Variants in FAF1 observed in about 807,000 individuals in gnomAD.
FAF1 encodes Fas associated factor 1.
A neutral mutation model predicts 92.5 loss-of-function variants in FAF1; 25 were observed. The observed-to-expected ratio is 0.27, with a 90% CI of 0.20 to 0.38. The LOEUF is 0.38. Ranked by LOEUF, FAF1 falls within the 10% of genes least tolerant of loss-of-function variation. The pLI, the probability that FAF1 is intolerant of heterozygous loss-of-function variation, is 1.00. For synonymous variants in FAF1, 234 were observed against 273.2 expected (o/e 0.86, Z 1.42); for missense variants, 636 against 793.3 (o/e 0.80, Z 2.38).
At chr1:50,602,911 ATTACACAAAGTGCT>A (rs1652213009) in intron 8 of FAF1, among the ~76,000 whole-genome samples, 1 of 152,168 alleles carries the variant, frequency 6.6e-6, no homozygotes, top group Non-Finnish European at 1.5e-5. Context: ...ATGTATTGTT[ATTACACAAAGTGCT>A]TTACACGCAC....
At chr1:50,565,280 T>C (rs1222446593) in intron 13 of FAF1, among the ~76,000 whole-genome samples, 1 of 152,070 alleles carries the variant, frequency 6.6e-6, no homozygotes, top group African/African-American at 2.4e-5. Flanking sequence ...GTTTATTAAA[T>C]TGAATTCCTA....
intron 7 of FAF1, among the ~76,000 whole-genome samples, chr1:50,676,380 C>G (rs1656119974): frequency 6.7e-6 from 1 of 150,204 alleles, no homozygotes; most frequent in African/African-American, 2.5e-5. Flanking sequence ...GCACTCCAGC[C>G]TGGGCAACAA....
chr1:50,713,188 G>T (rs1658015933), intron 6 of FAF1, among the ~76,000 whole-genome samples: 1 of 146,308 alleles, frequency 6.8e-6, no homozygotes. Flanking sequence ...AGTTCACGCT[G>T]CTTCAACTTT....
rs1217728720 is a variant in FAF1, at chr1:50,461,984, T to A, written c.1869+13480A>T. On this transcript the variant is annotated intron_variant, in intron 18 of 18. Transcript: ENST00000396153. ...GCTATACTATTAGATTCTTACCCTG[T>A]GTTAATTTTATATATATTATATACA... 4.0e-5 allele frequency among the ~76,000 whole-genome samples: 6 copies of A among 148,262 alleles called. No individual in the cohort carries two copies. In the East Asian group the frequency reaches 5.8e-4, roughly 14 times the overall value.
At chr1:50,797,438 T>C (rs574053604) in intron 3 of FAF1, among the ~76,000 whole-genome samples, 3 of 152,166 alleles carry the variant, frequency 2.0e-5, no homozygotes, top group Non-Finnish European at 2.9e-5. Flanking sequence ...TAGTGGCTCA[T>C]GCCTGTAATC....
intron 13 of FAF1, among the ~76,000 whole-genome samples, chr1:50,554,390 T>TATAGAGAGAGAGAGAG: frequency 9.6e-5 from 9 of 93,686 alleles, no homozygotes; most frequent in South Asian, 4.0e-4. Flanking sequence ...TATATATATA[T>TATAGAGAGAGAGAGAG]AGAGAGAGAG....
At chr1:50,652,215 G>A (rs1415922497) in intron 8 of FAF1, among the ~76,000 whole-genome samples, 1 of 152,188 alleles carries the variant, frequency 6.6e-6, no homozygotes, top group African/African-American at 2.4e-5. Flanking sequence ...TAGTATTACA[G>A]TCTTGGAAAC....
chr1:50,582,549 A>C (rs1651040375), intron 12 of FAF1, 69 bp downstream of exon 12: 2 of 952,224 alleles, frequency 2.1e-6, no homozygotes, highest in Non-Finnish European at 3.3e-6. Context: ...ACATTTAAGC[A>C]TTGCCTCAGC....
intron 1 of FAF1, among the ~76,000 whole-genome samples, chr1:50,864,839 T>C (rs1477718533): frequency 2.6e-5 from 4 of 151,856 alleles, no homozygotes; most frequent in Non-Finnish European, 2.9e-5. Context: ...AATTGACAAA[T>C]GGGATCTAAT....
At chr1:50,620,326 G>A (rs745521231) in intron 8 of FAF1, among the ~76,000 whole-genome samples, 11 of 152,208 alleles carry the variant, frequency 7.2e-5, no homozygotes, top group Non-Finnish European at 1.2e-4. Context: ...AGCTCTGAGA[G>A]TCTTTCCTCC....
intron 18 of FAF1, among the ~76,000 whole-genome samples, chr1:50,473,650 C>T (rs1443068015): frequency 6.6e-6 from 1 of 152,046 alleles, no homozygotes; most frequent in African/African-American, 2.4e-5. Flanking sequence ...GCATGTGTTC[C>T]CTTGTGCATG....
At chr1:50,729,486 A>T (rs2124470675) in intron 6 of FAF1, among the ~76,000 whole-genome samples, 1 of 151,796 alleles carries the variant, frequency 6.6e-6, no homozygotes. Context: ...AGCTCAGTGC[A>T]ACCTCTGCCT....
At chr1:50,641,097 G>C (rs1654307123) in intron 8 of FAF1, among the ~76,000 whole-genome samples, 1 of 152,076 alleles carries the variant, frequency 6.6e-6, no homozygotes, top group Admixed American at 6.5e-5. Context: ...CTCCTAAAGT[G>C]CTGGGATTAC....
At chr1:50,735,631 G>A (rs1302943264) in intron 6 of FAF1, among the ~76,000 whole-genome samples, 1 of 152,174 alleles carries the variant, frequency 6.6e-6, no homozygotes, top group Non-Finnish European at 1.5e-5. Context: ...GACATGGTTT[G>A]AGATACAGTT....
intron 4 of FAF1, among the ~76,000 whole-genome samples, chr1:50,773,633 C>A (rs1361706358): frequency 6.6e-6 from 1 of 152,206 alleles, no homozygotes; most frequent in East Asian, 1.9e-4. Context: ...ACATCTGAAT[C>A]CACATATGAA....
rs141320764 is a variant in FAF1, at chr1:50,653,396, A to G, written c.744+2046T>C. Among the ~76,000 whole-genome samples the G allele has an allele frequency of 3.1e-3, 478 of 152,282 alleles. 4 individuals carry two copies. Among genetic ancestry groups the G allele is most frequent in the African/African-American group, 0.011 (444 of 41,590 alleles). On this transcript the variant is annotated intron_variant, in intron 8 of 18. Coordinates refer to ENST00000396153, the MANE Select transcript of FAF1 (RefSeq NM_007051.3). ...AGATGGAGTTTTGCTCTTATTGCCC[A>G]GTGGAGTGCAATGGCACAATCTTGG... is the stretch of plus-strand genomic sequence containing the variant.
chr1:50,849,340 T>C (rs182539840), intron 2 of FAF1, among the ~76,000 whole-genome samples: 38 of 152,218 alleles, frequency 2.5e-4, no homozygotes, highest in Non-Finnish European at 4.9e-4. Flanking sequence ...TTATAAGATG[T>C]TAACATTAGC....
chr1:50,783,074 C>G (rs1479738735), intron 4 of FAF1, among the ~76,000 whole-genome samples: 1 of 151,892 alleles, frequency 6.6e-6, no homozygotes, highest in Non-Finnish European at 1.5e-5. Context: ...TAACAGACTA[C>G]TATGAAAAAT....
intron 17 of FAF1, among the ~76,000 whole-genome samples, chr1:50,477,044 A>T (rs1254718226): frequency 6.6e-6 from 1 of 152,254 alleles, no homozygotes; most frequent in African/African-American, 2.4e-5. Context: ...TCTGTTAAAA[A>T]ATGTTTAACC....
Sources: allele counts gnomAD v4.1 joint callset (sites outside exome capture counted in the v4.1 genomes callset), GRCh38; gene constraint gnomAD v4.1.1; transcripts MANE v1.5; gene names NCBI Gene and HGNC (gene_info 2026-07-23, HGNC 2026-07-21).